Variants in ADCY2 observed in about 807,000 individuals in gnomAD.
The protein encoded by ADCY2 is adenylate cyclase 2.
ADCY2 carries 31 observed loss-of-function variants against 125.2 expected under a neutral mutation model. That is an observed-to-expected ratio of 0.25 (90% CI 0.19 to 0.33). The LOEUF is 0.33. Ranked by LOEUF, ADCY2 falls within the 10% of genes least tolerant of loss-of-function variation. The probability of loss-of-function intolerance (pLI) is 1.00; values close to 1 mark genes in which losing one functional copy is unlikely to be tolerated. For synonymous variants in ADCY2, 512 were observed against 548.4 expected (o/e 0.93, Z 0.93); for missense variants, 904 against 1,418.2 (o/e 0.64, Z 5.82).
In ADCY2 at chr5:7,695,819, C is replaced by T. The variant is rs909502493; in HGVS notation, c.937C>T (p.His313Tyr). 1 of 1,612,818 alleles carries T rather than the reference C, an allele frequency of 6.2e-7. No homozygotes were observed. The highest frequency in any genetic ancestry group is 1.1e-5 in the South Asian group (1 of 90,970). ...ASDCSPGELVHMLNELFGKFD... is the reference protein window; with the variant it reads ...ASDCSPGELVYMLNELFGKFD... ...TGACTGCTCCCCGGGAGAACTAGTC[C>T]ACATGCTGAATGAGCTCTTTGGAAA... The change falls in exon 6 of 25, where the codon CAC (histidine) becomes TAC (tyrosine). Residue 313 changes from histidine (H) to tyrosine (Y), a missense_variant. Physicochemically the swap from His to Tyr is moderately conservative, Grantham distance 83. This residue lies in a region of ADCY2 where 117 missense variants were observed against 248.0 expected (regional missense o/e 0.47). Transcript: ENST00000338316.
intron 3 of ADCY2, among the ~76,000 whole-genome samples, chr5:7,621,585 C>T (rs917480024): frequency 1.8e-4 from 28 of 152,100 alleles, no homozygotes; most frequent in African/African-American, 6.8e-4. Flanking sequence ...TTTGTTGCCT[C>T]GTCTATAAGA....
rs531729376 is a variant in ADCY2 at position 7,678,532 on chromosome 5, A to G, written c.721-12159A>G. 4.1e-4 allele frequency among the ~76,000 whole-genome samples: 63 copies of G among 152,236 alleles called. 1 individual carries two copies. The highest frequency in any genetic ancestry group is 6.8e-4 in the Non-Finnish European group (46 of 68,044). On this transcript the variant is annotated intron_variant, in intron 4 of 24. Coordinates refer to ENST00000338316, the MANE Select transcript of ADCY2 (RefSeq NM_020546.3). ...AATTGAAAGAGAGAGATGTACACAC[A>G]CACATAATATACATAACATATACAT...
intron 4 of ADCY2, among the ~76,000 whole-genome samples, chr5:7,632,585 GAAAA>G (rs948997146): frequency 6.7e-6 from 1 of 148,970 alleles, no homozygotes; most frequent in African/African-American, 2.5e-5. Context: ...CTTGAAAACT[GAAAA>G]AAAAATGAAG....
At chr5:7,786,049 T>G (rs1033041343) in intron 19 of ADCY2, among the ~76,000 whole-genome samples, 1 of 152,238 alleles carries the variant, frequency 6.6e-6, no homozygotes, top group Middle Eastern at 3.2e-3. Context: ...TCCATTTTTG[T>G]CTTTAGTGTA....
chr5:7,404,372 T>C (rs377015126), intron 1 of ADCY2, among the ~76,000 whole-genome samples: 1 of 152,220 alleles, frequency 6.6e-6, no homozygotes, highest in East Asian at 1.9e-4. Context: ...TCAGAACATA[T>C]TAGATTATGT....
intron 5 of ADCY2, among the ~76,000 whole-genome samples, chr5:7,694,570 C>T (rs549203051): frequency 6.6e-6 from 1 of 152,298 alleles, no homozygotes; most frequent in African/African-American, 2.4e-5. Context: ...TTTTACTTAG[C>T]ATAAGGTTTT....
chr5:7,798,175 C>G (rs1181539637), intron 20 of ADCY2: 1 of 35,612 alleles, frequency 2.8e-5, no homozygotes, highest in East Asian at 9.4e-4. Flanking sequence ...GGCACCTCCA[C>G]AGAGAAAGCC....
intron 2 of ADCY2, among the ~76,000 whole-genome samples, chr5:7,493,227 G>C (rs1024967979): frequency 8.5e-5 from 13 of 152,214 alleles, no homozygotes; most frequent in Non-Finnish European, 2.9e-5. Flanking sequence ...AGACAGTGAA[G>C]AGAAAGCCTG....
Position 7,613,037 on chromosome 5 carries a change from A to AT in ADCY2, c.571-13130_571-13129insT, listed in dbSNP as rs1239748936. 2.0e-4 allele frequency among the ~76,000 whole-genome samples: 30 copies of AT among 152,098 alleles called. 1 individual carries two copies. The highest frequency in any genetic ancestry group is 2.0e-3 in the Admixed American group (30 of 15,274). On this transcript the variant is annotated intron_variant, in intron 3 of 24. Transcript: ENST00000338316. ...ACAGAGTGAGACTCTGACTCAAAAA[A>AT]ATATATATATACCTAATGTAAATGA...
chr5:7,748,723 A>G (rs1579387382), intron 15 of ADCY2, among the ~76,000 whole-genome samples: 1 of 152,184 alleles, frequency 6.6e-6, no homozygotes, highest in East Asian at 1.9e-4. Flanking sequence ...CAAGATCCCA[A>G]TGAGTGGTTC....
chr5:7,603,103 C>T (rs532071415), intron 3 of ADCY2, among the ~76,000 whole-genome samples: 5 of 152,238 alleles, frequency 3.3e-5, no homozygotes, highest in South Asian at 2.1e-4. Context: ...AAGTGTCCCA[C>T]GAACAGTATC....
At chr5:7,684,820 A>G (rs150684276) in intron 4 of ADCY2, among the ~76,000 whole-genome samples, 2 of 147,164 alleles carry the variant, frequency 1.4e-5, no homozygotes, top group Non-Finnish European at 1.5e-5. Context: ...AAATGATATT[A>G]TATGTGACCA....
At chr5:7,647,669 A>G (rs1480560139) in intron 4 of ADCY2, among the ~76,000 whole-genome samples, 1 of 152,190 alleles carries the variant, frequency 6.6e-6, no homozygotes, top group Non-Finnish European at 1.5e-5. Flanking sequence ...GAAGATCAAG[A>G]AGTACTGAGA....
intron 15 of ADCY2, among the ~76,000 whole-genome samples, chr5:7,755,978 G>A (rs762012663): frequency 3.9e-5 from 6 of 152,192 alleles, no homozygotes; most frequent in Non-Finnish European, 7.3e-5. Context: ...TGGTAGTATC[G>A]ATCAAAGGGC....
At chr5:7,537,145 A>T (rs933808592) in intron 3 of ADCY2, among the ~76,000 whole-genome samples, 3 of 152,192 alleles carry the variant, frequency 2.0e-5, no homozygotes, top group Non-Finnish European at 4.4e-5. Context: ...TTGAACTTAC[A>T]TTTTGGACCA....
chr5:7,666,588 G>T (rs1454764574), intron 4 of ADCY2, among the ~76,000 whole-genome samples: 1 of 152,156 alleles, frequency 6.6e-6, no homozygotes, highest in South Asian at 2.1e-4. Context: ...TTCTTTATGG[G>T]TCTGATGATG....
At chr5:7,444,111 C>CTT (rs749823885) in intron 2 of ADCY2, among the ~76,000 whole-genome samples, 30 of 99,328 alleles carry the variant, frequency 3.0e-4, no homozygotes, top group Admixed American at 5.5e-4. Flanking sequence ...GTTTTTATCT[C>CTT]TTTTTTTTTT....
rs547079428 is a variant in ADCY2, at chr5:7,802,650, T to G, written c.2775+286T>G. 2.0e-5 allele frequency among the ~76,000 whole-genome samples: 3 copies of G among 152,354 alleles called. No homozygotes were observed. The East Asian group carries it at 5.8e-4, about 29-fold the overall frequency. Reference sequence around the variant, plus strand: ...AGTGGATTCTTTACAAAGGCTTGAATTCGCGGTAAAATACTTGCCCATCCC... The same window carrying G: ...AGTGGATTCTTTACAAAGGCTTGAAGTCGCGGTAAAATACTTGCCCATCCC... On this transcript the variant is annotated intron_variant, in intron 21 of 24. Coordinates refer to ENST00000338316, the MANE Select transcript of ADCY2 (RefSeq NM_020546.3). The surrounding 1 kb of genome is among the most constrained non-coding windows in gnomAD (Gnocchi z 4.6).
chr5:7,413,636 G>C (rs998188838), intron 1 of ADCY2, among the ~76,000 whole-genome samples: 1 of 150,100 alleles, frequency 6.7e-6, no homozygotes, highest in East Asian at 2.0e-4. Context: ...GGATATTTCT[G>C]TTAACTACAC....
Sources: allele counts gnomAD v4.1 joint callset (sites outside exome capture counted in the v4.1 genomes callset), GRCh38; gene constraint gnomAD v4.1.1; regional missense constraint gnomAD v4.1.1; non-coding constraint Gnocchi (gnomAD v3.1); transcripts MANE v1.5; gene names NCBI Gene and HGNC (gene_info 2026-07-23, HGNC 2026-07-21).